The following LRRCC1 variants were observed in gnomAD, a reference collection of about 807,000 sequenced individuals.
LRRCC1 encodes leucine rich repeat and coiled-coil centrosomal protein 1.
A neutral mutation model predicts 126.0 loss-of-function variants in LRRCC1; 115 were observed. The observed-to-expected ratio is 0.91, with a 90% CI of 0.78 to 1.07. The LOEUF (loss-of-function observed/expected upper bound fraction) is 1.07, where lower values mean the gene tolerates loss of function less well. Ranked by LOEUF, LRRCC1 falls within the 50% of genes least tolerant of loss-of-function variation. The pLI is 0.00. For synonymous variants in LRRCC1, 400 were observed against 393.4 expected (o/e 1.02, Z -0.20); for missense variants, 1,172 against 1,175.7 (o/e 1.00, Z 0.05).
Position 85,107,419 on chromosome 8 carries a change from C to T in LRRCC1, c.104+20C>T, listed in dbSNP as rs965628193. The stretch of plus-strand genomic sequence containing the variant: ...GCAGAGGTAAAGGGCGCTCCGCAGC[C>T]AGGAGCGACCCGCGCACTCCCCAGA... On this transcript the variant is annotated intron_variant, in intron 1 of 18. Coordinates refer to ENST00000360375, the MANE Select transcript of LRRCC1 (RefSeq NM_033402.5). The T allele has an allele frequency of 2.5e-6, 4 of 1,588,040 alleles. No individual in the cohort carries two copies. The highest frequency in any genetic ancestry group is 3.4e-6 in the Non-Finnish European group (4 of 1,161,792).
In LRRCC1 at chr8:85,131,979, G is replaced by A. The variant is rs2135977705; in HGVS notation, c.1968+18G>A. On this transcript the variant is annotated intron_variant, in intron 12 of 18. Coordinates refer to ENST00000360375, the MANE Select transcript of LRRCC1 (RefSeq NM_033402.5). ...TTCAAGATGTAAGAATTGGCACCCA[G>A]CTTTTTATTGAAAACAGAATCAGTA... The A allele has an allele frequency of 6.3e-7, 1 of 1,594,752 alleles. No homozygotes were observed. The highest frequency in any genetic ancestry group is 8.5e-7 in the Non-Finnish European group (1 of 1,170,650).
chr8:85,111,328 G>A (rs1201203331), intron 3 of LRRCC1, among the ~76,000 whole-genome samples: 3 of 152,212 alleles, frequency 2.0e-5, no homozygotes, highest in African/African-American at 7.2e-5. Flanking sequence ...AGTGAGCTGA[G>A]ATCGCAGCAT....
rs1810330424 is a variant in LRRCC1, at chr8:85,130,030, CT to C, written c.1740del (p.Ala582HisfsTer2). The stretch of plus-strand genomic sequence containing the variant: ...AGAACAAGCGCAACAACTTCATCAA[CT>C]TCTTGCATTGAAAGAACAGGAACAC... Reference protein sequence around the residue: ...EREQAQQLHQLLALKEQEHRK... With the variant: ...EREQAQQLHQXLALKEQEHRK... On this transcript the variant is annotated frameshift_variant, in exon 11 of 19. Coordinates refer to ENST00000360375, the MANE Select transcript of LRRCC1 (RefSeq NM_033402.5). LOFTEE classifies it high-confidence loss of function. The C allele has an allele frequency of 2.5e-6, 4 of 1,595,220 alleles. No individual in the cohort carries two copies. In the East Asian group the frequency reaches 9.2e-5, roughly 37 times the overall value.
intron 13 of LRRCC1, 123 bp from the exon 14 acceptor site, chr8:85,135,666 T>G (rs1810800556): frequency 1.7e-6 from 1 of 576,176 alleles, no homozygotes; most frequent in South Asian, 7.6e-5. Context: ...ACTTCTGATG[T>G]AAAATTTGGT....
At chr8:85,111,070 TG>T (rs1188480456) in intron 3 of LRRCC1, among the ~76,000 whole-genome samples, 1 of 152,140 alleles carries the variant, frequency 6.6e-6, no homozygotes, top group African/African-American at 2.4e-5. Context: ...CTTAAAGACA[TG>T]AAGTATTAGA....
chr8:85,138,490 C>T lies in LRRCC1; in HGVS notation c.2840+15C>T. On this transcript the variant is annotated intron_variant, in intron 17 of 18. Coordinates refer to ENST00000360375, the MANE Select transcript of LRRCC1 (RefSeq NM_033402.5). Reference sequence around the variant, plus strand: ...GAACTACAAAAGTAAGCATTAGGTTCTAAAGGATTTGAGATCTCCTTAATC... The same window carrying T: ...GAACTACAAAAGTAAGCATTAGGTTTTAAAGGATTTGAGATCTCCTTAATC... 3.1e-6 allele frequency: 5 copies of T among 1,600,848 alleles called. No homozygotes were observed. Among genetic ancestry groups the T allele is most frequent in the Non-Finnish European group, 4.3e-6 (5 of 1,175,884 alleles).
Position 85,145,563 on chromosome 8 carries a change from A to G in LRRCC1, c.*52A>G, listed in dbSNP as rs78140568. On this transcript the variant is annotated 3_prime_UTR_variant, in exon 19 of 19. Transcript: ENST00000360375. ...ATAGACCAGCAGACCTATTGTAAAA[A>G]TGATTAAATATTGTAATAGTAGTAA... The G allele has an allele frequency of 0.031, 45,388 of 1,456,788 alleles. 821 individuals are homozygous for G. The highest frequency in any genetic ancestry group is 0.038 in the Non-Finnish European group (40,954 of 1,089,498). 90.2% of individuals were successfully genotyped at this position (1,456,788 alleles called of 1,614,324 possible).
chr8:85,133,169 C>T (rs1413445528), intron 12 of LRRCC1, among the ~76,000 whole-genome samples: 1 of 152,204 alleles, frequency 6.6e-6, no homozygotes. Flanking sequence ...CCAGCAATAT[C>T]CACACTATGA....
At chr8:85,113,944 T>C (rs1221103339) in intron 4 of LRRCC1, among the ~76,000 whole-genome samples, 2 of 152,076 alleles carry the variant, frequency 1.3e-5, no homozygotes, top group South Asian at 2.1e-4. Flanking sequence ...AAAGATCAGC[T>C]TGAGTACAAG....
Position 85,138,411 on chromosome 8 carries a change from G to C in LRRCC1, c.2776G>C (p.Glu926Gln). Residue 926 changes from glutamate to glutamine, a missense_variant, in exon 17 of 19, where the codon GAA becomes CAA. Physicochemically the swap from Glu to Gln is conservative, Grantham distance 29. Coordinates refer to ENST00000360375, the MANE Select transcript of LRRCC1 (RefSeq NM_033402.5). ...HLETQVKEVK[E>Q]KFENKEKKLK... ...TGAAACACAAGTAAAAGAAGTGAAAGAAAAATTTGAAAACAAGGAAAAGAA... is the reference window on the plus strand; with the variant it reads ...TGAAACACAAGTAAAAGAAGTGAAACAAAAATTTGAAAACAAGGAAAAGAA... The C allele has an allele frequency of 6.2e-7, 1 of 1,612,340 alleles. No homozygotes were observed. Among genetic ancestry groups the C allele is most frequent in the Non-Finnish European group, 8.5e-7 (1 of 1,179,302 alleles).
chr8:85,109,687 A>C lies in LRRCC1; in HGVS notation c.197A>C (p.Asn66Thr). 1.2e-6 allele frequency: 2 copies of C among 1,607,922 alleles called. No homozygotes were observed. Among genetic ancestry groups the C allele is most frequent in the Non-Finnish European group, 1.7e-6 (2 of 1,174,604 alleles). Residue 66 changes from asparagine (N) to threonine (T), a missense_variant, in exon 2 of 19, where the codon AAT becomes ACT. Asn to Thr is a moderately conservative substitution (Grantham distance 65, BLOSUM62 0). Coordinates refer to ENST00000360375, the MANE Select transcript of LRRCC1 (RefSeq NM_033402.5). ...ATCGAAGCCATTGATCATATTTGGA[A>C]TTTACAACATCTAGATCTGTCATCT... ...SKIEAIDHIW[N>T]LQHLDLSSNQ...
At chr8:85,144,462 ATATATATATATATT>A (rs1811505389) in intron 18 of LRRCC1, among the ~76,000 whole-genome samples, 1 of 44,394 alleles carries the variant, frequency 2.3e-5, no homozygotes, top group Admixed American at 2.0e-4. Context: ...ATATATATAT[ATATATATATATATT>A]TTTTTTTTTT....
At chr8:85,136,355 A>G (rs1218654692) in intron 14 of LRRCC1, among the ~76,000 whole-genome samples, 1 of 152,038 alleles carries the variant, frequency 6.6e-6, no homozygotes, top group Non-Finnish European at 1.5e-5. Flanking sequence ...GCTTACTGCA[A>G]CCTCTGCCTT....
At chr8:85,115,337 A>T (rs764461852) in intron 5 of LRRCC1, 38 bp from the exon 6 acceptor site, 68 of 1,576,390 alleles carry the variant, frequency 4.3e-5, no homozygotes, top group Non-Finnish European at 5.5e-5. Context: ...ATAAGTGAAT[A>T]TAAATTAAAA....
At chr8:85,115,613 C>T (rs1563932911) in intron 6 of LRRCC1, 29 bp downstream of exon 6, 1 of 1,423,846 alleles carries the variant, frequency 7.0e-7, no homozygotes, top group Non-Finnish European at 9.8e-7. Flanking sequence ...TCTCTATAGA[C>T]ATGTTTATTG....
At chr8:85,124,070 A>G (rs1433613599) in intron 7 of LRRCC1, among the ~76,000 whole-genome samples, 1 of 152,136 alleles carries the variant, frequency 6.6e-6, no homozygotes, top group Non-Finnish European at 1.5e-5. Flanking sequence ...TAGTCAGATG[A>G]TACTGAGTTT....
In LRRCC1 at chr8:85,123,470, G is replaced by C; in HGVS notation, c.988G>C (p.Asp330His). Residue 330 changes from aspartate (D) to histidine (H), a missense_variant, in exon 7 of 19, where the codon GAT becomes CAT. By Grantham distance (81) the Asp-to-His change is moderately conservative (BLOSUM62 -1). Coordinates refer to ENST00000360375, the MANE Select transcript of LRRCC1 (RefSeq NM_033402.5). The part of the protein sequence containing the change: ...EKDPRPKRDT[D>H]ITSESDYGNR... Reference sequence around the variant, plus strand: ...AGACCCCAGACCAAAAAGAGACACAGATATAACTTCTGAAAGTGACTATGG... The same window carrying C: ...AGACCCCAGACCAAAAAGAGACACACATATAACTTCTGAAAGTGACTATGG... 6.2e-7 allele frequency: 1 copy of C among 1,609,900 alleles called. No homozygotes were observed. Among genetic ancestry groups the C allele is most frequent in the Non-Finnish European group, 8.5e-7 (1 of 1,178,584 alleles).
At chr8:85,107,713 T>C (rs1275873359) in intron 1 of LRRCC1, 1 of 221,550 alleles carries the variant, frequency 4.5e-6, no homozygotes, top group African/African-American at 2.3e-5. Flanking sequence ...TTTTCCTTAC[T>C]TACTGGTGGT....
chr8:85,124,680 T>C, intron 7 of LRRCC1, 112 bp from the exon 8 acceptor site: 1 of 579,920 alleles, frequency 1.7e-6, no homozygotes, highest in Non-Finnish European at 2.8e-6. Flanking sequence ...TATAATTTTA[T>C]TAATATTCTT....
Sources: gnomAD v4.1 joint callset for allele counts (sites outside exome capture counted in the v4.1 genomes callset) on GRCh38, gnomAD v4.1.1 for gene constraint, MANE v1.5 for transcripts, NCBI Gene and HGNC (gene_info 2026-07-23, HGNC 2026-07-21) for gene names.